Variants in GPC6 observed in about 807,000 individuals in gnomAD.
The protein encoded by GPC6 is glypican 6, also known as glypican-6.
Under a neutral mutation model 55.2 loss-of-function variants are expected in GPC6, and 14 were observed. That is an observed-to-expected ratio of 0.25 (90% CI 0.17 to 0.40). The LOEUF is 0.40. GPC6 is among the 10% of genes least tolerant of loss of function. The probability of loss-of-function intolerance (pLI) is 1.00; values close to 1 mark genes in which losing one functional copy is unlikely to be tolerated. For missense variants in GPC6, 641 were observed against 708.5 expected, an observed-to-expected ratio of 0.90 and a Z score of 1.08; for synonymous variants, 278 against 259.6, an observed-to-expected ratio of 1.07 and a Z score of -0.68.
chr13:93,243,889 G>T (rs1419721662), intron 1 of GPC6, among the ~76,000 whole-genome samples: 1 of 152,088 alleles, frequency 6.6e-6, no homozygotes, highest in Admixed American at 6.5e-5. Context: ...CCAGCTGCTG[G>T]GGTGGCCATG....
intron 3 of GPC6, among the ~76,000 whole-genome samples, chr13:93,975,481 A>C (rs931256855): frequency 2.0e-5 from 3 of 152,208 alleles, no homozygotes; most frequent in Non-Finnish European, 4.4e-5. Flanking sequence ...ACAGATGACT[A>C]CAAAACAGAT....
intron 7 of GPC6, among the ~76,000 whole-genome samples, chr13:94,396,833 G>A (rs1880917327): frequency 6.6e-6 from 1 of 152,148 alleles, no homozygotes; most frequent in Non-Finnish European, 1.5e-5. Flanking sequence ...AGGCAGTCTG[G>A]GGCAGTGTTT....
intron 1 of GPC6, among the ~76,000 whole-genome samples, chr13:93,385,620 G>T (rs1435529703): frequency 1.3e-5 from 2 of 152,146 alleles, no homozygotes; most frequent in Non-Finnish European, 2.9e-5. Flanking sequence ...GAAACGTGGA[G>T]AAATGACAGT....
intron 4 of GPC6, among the ~76,000 whole-genome samples, chr13:94,176,521 G>T (rs77666301): frequency 6.6e-6 from 1 of 152,068 alleles, no homozygotes; most frequent in Admixed American, 6.5e-5. Context: ...GGAGGGAAAC[G>T]AGTGACCTTG....
At chr13:93,847,898 T>C (rs1888250464) in intron 3 of GPC6, among the ~76,000 whole-genome samples, 1 of 152,194 alleles carries the variant, frequency 6.6e-6, no homozygotes, top group African/African-American at 2.4e-5. Flanking sequence ...AGTATCATGG[T>C]GCTGAAGAGC....
chr13:93,621,957 T>C (rs1012244848), intron 2 of GPC6, among the ~76,000 whole-genome samples: 4 of 152,248 alleles, frequency 2.6e-5, no homozygotes, highest in African/African-American at 4.8e-5. Flanking sequence ...TAGATCTTAT[T>C]CCTTCTATCT....
chr13:93,783,590 C>T (rs968353267), intron 2 of GPC6, among the ~76,000 whole-genome samples: 1 of 152,026 alleles, frequency 6.6e-6, no homozygotes. Flanking sequence ...ATCTATCTAT[C>T]TATCTATCTA....
intron 2 of GPC6, among the ~76,000 whole-genome samples, chr13:93,801,942 A>G (rs1273935357): frequency 6.6e-6 from 1 of 152,118 alleles, no homozygotes; most frequent in Non-Finnish European, 1.5e-5. Context: ...AATGTTCTGA[A>G]TCTTCTTCAT....
chr13:93,225,455 T>C (rs569211636), upstream of GPC6, among the ~76,000 whole-genome samples: 4 of 152,186 alleles, frequency 2.6e-5, no homozygotes, highest in African/African-American at 9.6e-5. Flanking sequence ...AAGTTAAGTG[T>C]GTTGCGTTTT....
intron 4 of GPC6, among the ~76,000 whole-genome samples, chr13:94,280,591 C>T (rs557277000): frequency 2.2e-4 from 34 of 152,234 alleles, no homozygotes; most frequent in Non-Finnish European, 4.6e-4. Flanking sequence ...TATACATAAA[C>T]ACTGCAGCCA....
chr13:93,613,509 AACACACACACACACACACAAAACAC>A (rs1182554089), intron 2 of GPC6, among the ~76,000 whole-genome samples: 3 of 142,968 alleles, frequency 2.1e-5, no homozygotes, highest in South Asian at 2.3e-4. Flanking sequence ...CAGACAAGCA[AACACACACACACACACACAAAACAC>A]ACACACACAC....
At chr13:93,484,499 C>T (rs1316599179) in intron 1 of GPC6, among the ~76,000 whole-genome samples, 1 of 152,018 alleles carries the variant, frequency 6.6e-6, no homozygotes, top group Non-Finnish European at 1.5e-5. Flanking sequence ...TAATTTTCTG[C>T]TTAGAATAAT....
At chr13:94,341,771 C>G (rs931753400) in intron 6 of GPC6, among the ~76,000 whole-genome samples, 2 of 152,122 alleles carry the variant, frequency 1.3e-5, no homozygotes, top group Admixed American at 1.3e-4. Context: ...ATAAGGATTA[C>G]AGTGACATAT....
chr13:93,873,835 A>G (rs1375727300), intron 3 of GPC6, among the ~76,000 whole-genome samples: 1 of 151,926 alleles, frequency 6.6e-6, no homozygotes, highest in Admixed American at 6.6e-5. Flanking sequence ...TGTTAATACA[A>G]AAGAACACAG....
chr13:94,111,438 A>G (rs185706511), intron 4 of GPC6, among the ~76,000 whole-genome samples: 78 of 150,506 alleles, frequency 5.2e-4, no homozygotes, highest in Non-Finnish European at 9.9e-4. Context: ...ACAAACCTGC[A>G]CGTTCAGCAC....
chr13:94,111,440 G>T (rs1057440851), intron 4 of GPC6, among the ~76,000 whole-genome samples: 3 of 149,718 alleles, frequency 2.0e-5, no homozygotes, highest in Non-Finnish European at 3.0e-5. Flanking sequence ...AAACCTGCAC[G>T]TTCAGCACAT....
chr13:93,340,789 A>AT (rs144145258), intron 1 of GPC6, among the ~76,000 whole-genome samples: 27,376 of 151,732 alleles, frequency 0.18, 2,970 homozygotes, highest in East Asian at 0.42. Flanking sequence ...ATTTATTTTT[A>AT]TTTTTTTTAT....
chr13:93,881,612 T>C (rs1754427777), intron 3 of GPC6, among the ~76,000 whole-genome samples: 1 of 152,082 alleles, frequency 6.6e-6, no homozygotes, highest in South Asian at 2.1e-4. Context: ...TGCTAGGCCC[T>C]CTCAGTGGAC....
chr13:93,474,549 G>A (rs1192202886), intron 1 of GPC6, among the ~76,000 whole-genome samples: 1 of 152,112 alleles, frequency 6.6e-6, no homozygotes, highest in Non-Finnish European at 1.5e-5. Context: ...TGGGAGGGCA[G>A]AGAAAAAACA....
Sources: allele counts gnomAD v4.1 joint callset (sites outside exome capture counted in the v4.1 genomes callset), GRCh38; gene constraint gnomAD v4.1.1; transcripts MANE v1.5; gene names NCBI Gene and HGNC (gene_info 2026-07-23, HGNC 2026-07-21).